Variants in SLC6A3 observed in about 807,000 individuals in gnomAD.
SLC6A3 encodes the protein solute carrier family 6 member 3.
A neutral mutation model predicts 70.4 loss-of-function variants in SLC6A3; 19 were observed. The observed-to-expected ratio is 0.27, with a 90% CI of 0.19 to 0.40. SLC6A3 has a LOEUF of 0.40. Ranked by LOEUF, SLC6A3 falls within the 10% of genes least tolerant of loss-of-function variation. The pLI, the probability that SLC6A3 is intolerant of heterozygous loss-of-function variation, is 1.00. For missense variants in SLC6A3, 613 were observed against 838.5 expected (o/e 0.73, Z 3.32); for synonymous variants, 368 against 356.6 (o/e 1.03, Z -0.36).
chr5:1,431,619 T>G (rs990230999), intron 4 of SLC6A3, among the ~76,000 whole-genome samples: 1 of 136,674 alleles, frequency 7.3e-6, no homozygotes, highest in African/African-American at 2.8e-5. Flanking sequence ...CTGGCCGGGG[T>G]GGACGGTGTG....
chr5:1,394,601 TTTG>T lies in SLC6A3; in HGVS notation c.*131_*133del. The T allele has an allele frequency of 1.1e-6, 1 of 891,244 alleles. No homozygotes were observed. Among genetic ancestry groups the T allele is most frequent in the Non-Finnish European group, 1.9e-6 (1 of 525,582 alleles). 55.2% of individuals were successfully genotyped at this position (891,244 alleles called of 1,614,324 possible). Reference sequence around the variant, plus strand: ...CAGTCAGAAGAGAGGAGTCTTCTGCTTTGTTGTTTGTGTTTTCAGTAGAGGTTG... The same window carrying T: ...CAGTCAGAAGAGAGGAGTCTTCTGCTTTGTTTGTGTTTTCAGTAGAGGTTG... On this transcript the variant is annotated 3_prime_UTR_variant, in exon 15 of 15. Coordinates refer to ENST00000270349, the MANE Select transcript of SLC6A3 (RefSeq NM_001044.5). The surrounding 1 kb of genome is among the most constrained non-coding windows in gnomAD (Gnocchi z 4.7).
chr5:1,432,873 G>C (rs1351617427), intron 3 of SLC6A3, among the ~76,000 whole-genome samples, 175 bp from the exon 4 acceptor site: 1 of 152,106 alleles, frequency 6.6e-6, no homozygotes, highest in Non-Finnish European at 1.5e-5. Context: ...TGAAAGGCCT[G>C]AGACCAGATT....
At chr5:1,395,806 A>G (rs1463796641) in intron 14 of SLC6A3, among the ~76,000 whole-genome samples, 4 of 152,248 alleles carry the variant, frequency 2.6e-5, no homozygotes, top group Non-Finnish European at 5.9e-5. Flanking sequence ...TGTTCCCCCC[A>G]GGGTGAAGCA....
intron 7 of SLC6A3, among the ~76,000 whole-genome samples, chr5:1,415,753 G>A (rs1310608254): frequency 1.3e-5 from 2 of 152,136 alleles, no homozygotes; most frequent in East Asian, 3.9e-4. Flanking sequence ...GGAGGACAGA[G>A]ACCCCCCGGG....
intron 6 of SLC6A3, among the ~76,000 whole-genome samples, chr5:1,418,774 C>T (rs932197186): frequency 2.6e-5 from 4 of 151,462 alleles, no homozygotes; most frequent in Non-Finnish European, 5.9e-5. Flanking sequence ...TGTCCAGCTA[C>T]CTACCTATCA....
At chr5:1,423,395 G>T (rs1756509040) in intron 4 of SLC6A3, among the ~76,000 whole-genome samples, 1 of 152,064 alleles carries the variant, frequency 6.6e-6, no homozygotes, top group Non-Finnish European at 1.5e-5. Context: ...ACAGCCCCAG[G>T]GTCCCTCTCC....
In SLC6A3 at chr5:1,403,095, A is replaced by G; in HGVS notation, c.1600-6T>C. 1 of 1,613,144 alleles carries G rather than the reference A, an allele frequency of 6.2e-7. No homozygotes were observed. The highest frequency in any genetic ancestry group is 8.5e-7 in the Non-Finnish European group (1 of 1,179,836). On this transcript the variant is annotated splice_region_variant and splice_polypyrimidine_tract_variant and intron_variant, in intron 12 of 14. Coordinates refer to ENST00000270349, the MANE Select transcript of SLC6A3 (RefSeq NM_001044.5). ...ATGCTGACCACGACCACGAACTGCA[A>G]CCAGCAGATACGGAGGTCAGGCAGC...
intron 3 of SLC6A3, among the ~76,000 whole-genome samples, chr5:1,433,800 TCCACAACCATCCACACCCAA>T (rs1378894659): frequency 6.6e-6 from 1 of 150,702 alleles, no homozygotes; most frequent in Non-Finnish European, 1.5e-5. Context: ...TCCACAACCA[TCCACAACCATCCACACCCAA>T]CCACAACCAT....
At position 1,411,419 on chromosome 5, in the gene SLC6A3, C is replaced by T; in HGVS notation, c.1157-64G>A. The stretch of plus-strand genomic sequence containing the variant: ...CTGTGCTCTCCCGCCCATCCTGCCC[C>T]ACCCCGCCCCGAGAAGCATGGCCTG... On this transcript the variant is annotated intron_variant, in intron 8 of 14. Coordinates refer to ENST00000270349, the MANE Select transcript of SLC6A3 (RefSeq NM_001044.5). This position sits in a 1 kb window ranked among gnomAD's most constrained non-coding sequence, Gnocchi z 6.5. 8.1e-7 allele frequency: 1 copy of T among 1,230,866 alleles called. No individual in the cohort carries two copies. The highest frequency in any genetic ancestry group is 1.2e-6 in the Non-Finnish European group (1 of 858,368). 76.2% of individuals were successfully genotyped at this position (1,230,866 alleles called of 1,614,324 possible).
Position 1,401,992 on chromosome 5 carries a change from G to A in SLC6A3, c.1767+930C>T, listed in dbSNP as rs1157280190. 6.6e-6 allele frequency among the ~76,000 whole-genome samples: 1 copy of A among 152,172 alleles called. No individual in the cohort carries two copies. The highest frequency in any genetic ancestry group is 1.5e-5 in the Non-Finnish European group (1 of 68,032). ...CACACACTGTGCTTTGCCTGCACTGGGCCTTGGCCTGGCCAGGCTGCTGGA... is the reference window on the plus strand; with the variant it reads ...CACACACTGTGCTTTGCCTGCACTGAGCCTTGGCCTGGCCAGGCTGCTGGA... On this transcript the variant is annotated intron_variant, in intron 13 of 14. Coordinates refer to ENST00000270349, the MANE Select transcript of SLC6A3 (RefSeq NM_001044.5). The surrounding 1 kb of genome is among the most constrained non-coding windows in gnomAD (Gnocchi z 6.1).
intron 4 of SLC6A3, among the ~76,000 whole-genome samples, chr5:1,424,577 C>G (rs2126378814): frequency 6.6e-6 from 1 of 152,370 alleles, no homozygotes; most frequent in East Asian, 1.9e-4. Flanking sequence ...AGCACACCCT[C>G]TCCCCTTGCC....
intron 4 of SLC6A3, among the ~76,000 whole-genome samples, chr5:1,432,230 A>G (rs1429929779): frequency 6.6e-6 from 1 of 152,152 alleles, no homozygotes; most frequent in Non-Finnish European, 1.5e-5. Context: ...GGAGCTGCTC[A>G]GTGCCCCATC....
At chr5:1,419,444 T>C (rs1258230579) in intron 6 of SLC6A3, among the ~76,000 whole-genome samples, 2 of 152,242 alleles carry the variant, frequency 1.3e-5, no homozygotes, top group Non-Finnish European at 2.9e-5. Context: ...TCTTTTCACA[T>C]GCACTGGTGT....
intron 1 of SLC6A3, among the ~76,000 whole-genome samples, chr5:1,445,043 A>T (rs1733769049): frequency 6.6e-6 from 1 of 152,182 alleles, no homozygotes; most frequent in Non-Finnish European, 1.5e-5. Flanking sequence ...CCCGAGTCAC[A>T]GCCATAGACA....
rs534490763 is a variant in SLC6A3, at chr5:1,409,875, T to C, written c.1270-26A>G. The C allele has an allele frequency of 2.4e-5, 39 of 1,612,440 alleles. 1 individual carries two copies. In the South Asian group the frequency reaches 3.7e-4, roughly 15 times the overall value. Reference sequence around the variant, plus strand: ...CTGCACACAGAGCACAGGGTCGGGCTGCAGGCTGGCGGCGCTCCTGACCGC... The same window carrying C: ...CTGCACACAGAGCACAGGGTCGGGCCGCAGGCTGGCGGCGCTCCTGACCGC... On this transcript the variant is annotated intron_variant, in intron 9 of 14. Coordinates refer to ENST00000270349, the MANE Select transcript of SLC6A3 (RefSeq NM_001044.5).
In SLC6A3 at chr5:1,394,430, G is replaced by A. The variant is rs1458206697; in HGVS notation, c.*305C>T. 7.5e-6 allele frequency: 4 copies of A among 536,570 alleles called. No homozygotes were observed. The African/African-American group carries it at 7.6e-5, about 10-fold the overall frequency. The allele number at this position is 536,570 out of a possible 1,614,324, so 33.2% of individuals were successfully genotyped here. A position where few individuals can be genotyped will look rare whatever the true frequency, so the allele number is the denominator to read the frequency against. ...GCCGGGAGCAGGGAGCAGGGAGGGA[G>A]GGAGCCTCACACAGACAGCATGAAG... On this transcript the variant is annotated 3_prime_UTR_variant, in exon 15 of 15. Transcript: ENST00000270349. The surrounding 1 kb of genome is among the most constrained non-coding windows in gnomAD (Gnocchi z 4.7).
Position 1,401,100 on chromosome 5 carries a change from C to G in SLC6A3, c.1768-114G>C. ...TACCAGCACCCTCACCACCAGCCCT[C>G]CTCACCTGCCAATGCCCACCCGCTG... is the stretch of plus-strand genomic sequence containing the variant. On this transcript the variant is annotated intron_variant, in intron 13 of 14. Coordinates refer to ENST00000270349, the MANE Select transcript of SLC6A3 (RefSeq NM_001044.5). This position sits in a 1 kb window ranked among gnomAD's most constrained non-coding sequence, Gnocchi z 6.1. The G allele has an allele frequency of 2.5e-6, 2 of 796,078 alleles. No individual in the cohort carries two copies. Among genetic ancestry groups the G allele is most frequent in the Non-Finnish European group, 4.3e-6 (2 of 463,272 alleles). The allele number at this position is 796,078 out of a possible 1,614,324, so 49.3% of individuals were successfully genotyped here.
At position 1,396,302 on chromosome 5, in the gene SLC6A3, C is replaced by T. The variant is rs572707293; in HGVS notation, c.1840-1544G>A. Among the ~76,000 whole-genome samples, 379 of 152,298 alleles carry T rather than the reference C, an allele frequency of 2.5e-3. 1 individual carries two copies. The highest frequency in any genetic ancestry group is 5.0e-3 in the Admixed American group (77 of 15,308). ...GATGGAATAATAGGGATCGAATTTA[C>T]CCTACTGTCCGAAACAAGCCCCAAA... On this transcript the variant is annotated intron_variant, in intron 14 of 14. Transcript: ENST00000270349. This position sits in a 1 kb window ranked among gnomAD's most constrained non-coding sequence, Gnocchi z 7.0.
rs564929255 is a variant in SLC6A3, at chr5:1,411,429, C to A, written c.1157-74G>T. On this transcript the variant is annotated intron_variant, in intron 8 of 14. Transcript: ENST00000270349. The surrounding 1 kb of genome is among the most constrained non-coding windows in gnomAD (Gnocchi z 6.5). ...CCGCCCATCCTGCCCCACCCCGCCCCGAGAAGCATGGCCTGCCACAGGCCT... is the reference window on the plus strand; with the variant it reads ...CCGCCCATCCTGCCCCACCCCGCCCAGAGAAGCATGGCCTGCCACAGGCCT... The A allele has an allele frequency of 1.2e-5, 14 of 1,125,334 alleles. No homozygotes were observed. In the East Asian group the frequency reaches 2.8e-4, roughly 23 times the overall value. The allele number at this position is 1,125,334 out of a possible 1,614,324, so 69.7% of individuals were successfully genotyped here.
Sources: allele counts gnomAD v4.1 joint callset (sites outside exome capture counted in the v4.1 genomes callset), GRCh38; gene constraint gnomAD v4.1.1; non-coding constraint Gnocchi (gnomAD v3.1); transcripts MANE v1.5; gene names NCBI Gene and HGNC (gene_info 2026-07-23, HGNC 2026-07-21).